ADGRG3: variants seen among roughly 807,000 people sequenced by gnomAD.
ADGRG3 encodes G protein-coupled receptor 97.
A neutral mutation model predicts 54.3 loss-of-function variants in ADGRG3; 39 were observed. That is an observed-to-expected ratio of 0.72 (90% confidence interval 0.56 to 0.94). ADGRG3 has a LOEUF of 0.94. Among genes scored for constraint, ADGRG3 ranks in the 40% least tolerant of loss-of-function variants. The pLI, the probability that ADGRG3 is intolerant of heterozygous loss-of-function variation, is 0.00. For synonymous variants in ADGRG3, 312 were observed against 290.0 expected (o/e 1.08, Z -0.77); for missense variants, 654 against 694.6 (o/e 0.94, Z 0.66).
chr16:57,686,086 C>T, intron 11 of ADGRG3, 160 bp downstream of exon 11: 1 of 706,472 alleles, frequency 1.4e-6, no homozygotes, highest in South Asian at 1.8e-5. Context: ...TCCAGGGCAG[C>T]AAAGTTTGGC....
intron 8 of ADGRG3, among the ~76,000 whole-genome samples, chr16:57,683,138 G>T (rs2048406511): frequency 6.6e-6 from 1 of 152,246 alleles, no homozygotes; most frequent in South Asian, 2.1e-4. Context: ...GAAAGGCATT[G>T]AGAACAGTGG....
At chr16:57,687,545 C>T (rs1178997597) in intron 11 of ADGRG3, among the ~76,000 whole-genome samples, 2 of 152,236 alleles carry the variant, frequency 1.3e-5, no homozygotes, top group South Asian at 4.1e-4. Flanking sequence ...AGCCACTGTG[C>T]CTGGCCTGCC....
chr16:57,676,966 T>C (rs1398008882), intron 3 of ADGRG3, among the ~76,000 whole-genome samples: 1 of 152,216 alleles, frequency 6.6e-6, no homozygotes, highest in Non-Finnish European at 1.5e-5. Context: ...GATGTGGTGG[T>C]GGAACTTCAG....
rs746640473 is a variant in ADGRG3 at position 57,668,312 on chromosome 16, C to A, written c.-36C>A. 1 of 1,538,622 alleles carries A rather than the reference C, an allele frequency of 6.5e-7. No individual in the cohort carries two copies. The highest frequency in any genetic ancestry group is 1.4e-5 in the African/African-American group (1 of 73,830). ...AGCCTGGGGCCAGAGGGCCAGACAG[C>A]CACAGAGCTCCTGGCGTGGGCAAGG... On this transcript the variant is annotated 5_prime_UTR_variant, in exon 1 of 12. Coordinates refer to ENST00000333493, the MANE Select transcript of ADGRG3 (RefSeq NM_170776.5).
intron 10 of ADGRG3, 135 bp downstream of exon 10, chr16:57,684,618 TC>T: frequency 1.6e-6 from 1 of 626,850 alleles, no homozygotes. Context: ...AATCCTCAGA[TC>T]CAGCTAGCTC....
At chr16:57,671,516 T>C (rs2148694223) in intron 1 of ADGRG3, among the ~76,000 whole-genome samples, 1 of 152,120 alleles carries the variant, frequency 6.6e-6, no homozygotes, top group Non-Finnish European at 1.5e-5. Context: ...AATTTTTGTA[T>C]GTTTAGTAGG....
At chr16:57,674,829 CAAAAAAA>C (rs56719808) in intron 2 of ADGRG3, among the ~76,000 whole-genome samples, 7 of 82,158 alleles carry the variant, frequency 8.5e-5, no homozygotes, top group Admixed American at 1.3e-4. Context: ...ACTGAAAATA[CAAAAAAA>C]AAAAAAAAAA....
chr16:57,678,335 T>G lies in ADGRG3; in HGVS notation c.492+19T>G. 1.2e-6 allele frequency: 2 copies of G among 1,613,754 alleles called. No homozygotes were observed. Among genetic ancestry groups the G allele is most frequent in the Non-Finnish European group, 1.7e-6 (2 of 1,179,652 alleles). On this transcript the variant is annotated intron_variant, in intron 4 of 11. Coordinates refer to ENST00000333493, the MANE Select transcript of ADGRG3 (RefSeq NM_170776.5). ...CTTCAAGGTGAGGACTCAGGGAAGCTCCAAGGTTAAGTGCTAGGTCCTCTG... is the reference window on the plus strand; with the variant it reads ...CTTCAAGGTGAGGACTCAGGGAAGCGCCAAGGTTAAGTGCTAGGTCCTCTG...
Position 57,685,668 on chromosome 16 carries a change from A to G in ADGRG3, c.1282A>G (p.Met428Val). The G allele has an allele frequency of 6.2e-7, 1 of 1,614,146 alleles. No homozygotes were observed. The highest frequency in any genetic ancestry group is 8.5e-7 in the Non-Finnish European group (1 of 1,180,014). The part of the protein sequence containing the change: ...ELCWFREGTT[M>V]YALYITVHGY... ...ATGCTGGTTCCGTGAAGGGACAACC[A>G]TGTACGCCCTCTATATCACCGTCCA... is the stretch of plus-strand genomic sequence containing the variant. Residue 428 changes from methionine (M) to valine (V), a missense_variant, in exon 11 of 12, where the codon ATG (methionine) becomes GTG (valine). Met to Val is a conservative substitution (Grantham distance 21, BLOSUM62 1). Coordinates refer to ENST00000333493, the MANE Select transcript of ADGRG3 (RefSeq NM_170776.5).
intron 2 of ADGRG3, 117 bp downstream of exon 2, chr16:57,673,585 T>C (rs2148697305): frequency 1.1e-6 from 1 of 951,138 alleles, no homozygotes; most frequent in Non-Finnish European, 1.6e-6. Context: ...CATCTGACTC[T>C]TCCACCTTGT....
chr16:57,679,286 T>C lies in ADGRG3; in HGVS notation c.602T>C (p.Val201Ala). 1.2e-6 allele frequency: 2 copies of C among 1,613,886 alleles called. No homozygotes were observed. The highest frequency in any genetic ancestry group is 2.2e-5 in the East Asian group (1 of 44,870). Reference protein sequence around the residue: ...VTKLAEPLEIVFSHQRPPPNM... With the variant: ...VTKLAEPLEIAFSHQRPPPNM... ...AAGCTGGCTGAGCCTCTGGAGATCG[T>C]CTTCTCTCACCAGCGACCGCCCCCT... Residue 201 changes from valine (V) to alanine (A), a missense_variant, in exon 5 of 12, where the codon GTC (valine) becomes GCC (alanine). Val to Ala is a moderately conservative substitution (Grantham distance 64). Transcript: ENST00000333493.
chr16:57,680,665 G>A (rs773669645), intron 8 of ADGRG3, 48 bp downstream of exon 8: 1 of 1,314,900 alleles, frequency 7.6e-7, no homozygotes, highest in East Asian at 2.3e-5. Flanking sequence ...GCCCTCAAGG[G>A]AGGCAGCAGG....
rs1597786031 is a variant in ADGRG3, at chr16:57,688,942, T to C, written c.*481T>C. ...GGCACTGGGGGTTTGTTTTGGGGGG[T>C]GGGAGTTGATCCTCCCACCCAGTCT... is the stretch of plus-strand genomic sequence containing the variant. On this transcript the variant is annotated 3_prime_UTR_variant, in exon 12 of 12. Coordinates refer to ENST00000333493, the MANE Select transcript of ADGRG3 (RefSeq NM_170776.5). The C allele has an allele frequency of 6.3e-6, 1 of 158,228 alleles. No homozygotes were observed. Among genetic ancestry groups the C allele is most frequent in the Admixed American group, 6.1e-5 (1 of 16,522 alleles). 9.8% of individuals were successfully genotyped at this position (158,228 alleles called of 1,614,324 possible). A position where few individuals can be genotyped will look rare whatever the true frequency, so the allele number is the denominator to read the frequency against.
intron 2 of ADGRG3, among the ~76,000 whole-genome samples, chr16:57,674,164 A>G (rs1403706299): frequency 6.6e-6 from 1 of 152,022 alleles, no homozygotes; most frequent in African/African-American, 2.4e-5. Flanking sequence ...GGAAGACATG[A>G]CCCAGTAGGA....
At chr16:57,681,433 A>G (rs528369137) in intron 8 of ADGRG3, among the ~76,000 whole-genome samples, 95 of 152,276 alleles carry the variant, frequency 6.2e-4, no homozygotes, top group Middle Eastern at 3.4e-3. Flanking sequence ...AAATGAAAAT[A>G]AAGAAGGCTG....
chr16:57,670,072 C>T (rs1270438750), intron 1 of ADGRG3, among the ~76,000 whole-genome samples: 1 of 152,184 alleles, frequency 6.6e-6, no homozygotes, highest in Non-Finnish European at 1.5e-5. Flanking sequence ...GGTGAGCCAG[C>T]AGGGGCTGAA....
At chr16:57,678,139 C>G in intron 3 of ADGRG3, 31 bp from the exon 4 acceptor site, 1 of 1,610,304 alleles carries the variant, frequency 6.2e-7, no homozygotes, top group Non-Finnish European at 8.5e-7. Context: ...GGGGTGGGTA[C>G]AGATGGGAGC....
chr16:57,673,144 T>C (rs569465866), intron 1 of ADGRG3, among the ~76,000 whole-genome samples, 177 bp from the exon 2 acceptor site: 1 of 152,320 alleles, frequency 6.6e-6, no homozygotes, highest in Admixed American at 6.5e-5. Flanking sequence ...TGCTTTTACC[T>C]TGGAAACAGC....
At chr16:57,671,356 T>TTC in intron 1 of ADGRG3, among the ~76,000 whole-genome samples, 1 of 142,622 alleles carries the variant, frequency 7.0e-6, no homozygotes, top group African/African-American at 2.9e-5. Context: ...TTTTTTTTTT[T>TTC]TCGAGACAGA....
Sources: gnomAD v4.1 joint callset for allele counts (sites outside exome capture counted in the v4.1 genomes callset) on GRCh38, gnomAD v4.1.1 for gene constraint, MANE v1.5 for transcripts, NCBI Gene and HGNC (gene_info 2026-07-23, HGNC 2026-07-21) for gene names.